Variants in ITGB2 observed in about 807,000 individuals in gnomAD.
The protein encoded by ITGB2 is integrin subunit beta 2.
Under a neutral mutation model 86.8 loss-of-function variants are expected in ITGB2, and 56 were observed. The observed-to-expected ratio is 0.65, with a 90% CI of 0.52 to 0.81. The LOEUF (loss-of-function observed/expected upper bound fraction) is 0.81, where lower values mean the gene tolerates loss of function less well. Ranked by LOEUF, ITGB2 falls within the 30% of genes least tolerant of loss-of-function variation. ITGB2 has a pLI of 0.00. For synonymous variants in ITGB2, 457 were observed against 450.4 expected (o/e 1.01, Z -0.19); for missense variants, 948 against 1,061.2 (o/e 0.89, Z 1.48).
chr21:44,916,587 G>A (rs78754053), intron 1 of ITGB2, among the ~76,000 whole-genome samples: 3 of 151,996 alleles, frequency 2.0e-5, no homozygotes, highest in African/African-American at 4.8e-5. Context: ...CTAAGGGGAG[G>A]CCGGGCATGG....
At chr21:44,887,017 G>A in intron 14 of ITGB2, 115 bp from the exon 15 acceptor site, 1 of 1,305,010 alleles carries the variant, frequency 7.7e-7, no homozygotes, top group Non-Finnish European at 1.1e-6. Context: ...AGGTTCCCAG[G>A]GCCCCGGCTC....
At chr21:44,900,216 C>T (rs898690910) in intron 7 of ITGB2, 104 bp downstream of exon 7, 1 of 1,468,668 alleles carries the variant, frequency 6.8e-7, no homozygotes, top group African/African-American at 1.4e-5. Flanking sequence ...GGAATCTGCT[C>T]CTTGGGTCAG....
At chr21:44,925,806 C>T (rs545536931), upstream of ITGB2, among the ~76,000 whole-genome samples, 245 of 152,262 alleles carry the variant, frequency 1.6e-3, 2 homozygotes, top group South Asian at 8.1e-3. Flanking sequence ...AGGCCGGGCG[C>T]GGGGGCTCAC....
intron 7 of ITGB2, 40 bp from the exon 8 acceptor site, chr21:44,899,202 G>A: frequency 6.7e-7 from 1 of 1,482,386 alleles, no homozygotes; most frequent in Non-Finnish European, 9.4e-7. Context: ...CCCGAGTCCA[G>A]GACAAGGCTT....
chr21:44,907,111 C>T lies in ITGB2; in HGVS notation c.148-16G>A, dbSNP rs2072703. 6.3e-7 allele frequency: 1 copy of T among 1,578,402 alleles called. No individual in the cohort carries two copies. ...CTGTGAAGTTCTGGGGAGGGGGAGT[C>T]AGGGGTCAGGAGGGGGCCACACTGC... is the stretch of plus-strand genomic sequence containing the variant. On this transcript the variant is annotated splice_polypyrimidine_tract_variant and intron_variant, in intron 3 of 15. Coordinates refer to ENST00000652462, the MANE Select transcript of ITGB2 (RefSeq NM_000211.5).
chr21:44,892,130 G>A (rs1434596676), intron 10 of ITGB2, 134 bp from the exon 11 acceptor site: 18 of 869,560 alleles, frequency 2.1e-5, no homozygotes, highest in Admixed American at 8.1e-5. Context: ...ACCAGGAGCA[G>A]GAAGAGCTGA....
chr21:44,895,705 G>T (rs1338426972), intron 8 of ITGB2, among the ~76,000 whole-genome samples: 1 of 151,694 alleles, frequency 6.6e-6, no homozygotes. Flanking sequence ...GCTGGGCGTG[G>T]TGGTGGGCAC....
At chr21:44,907,630 A>T (rs1449622536) in intron 3 of ITGB2, among the ~76,000 whole-genome samples, 1 of 152,186 alleles carries the variant, frequency 6.6e-6, no homozygotes, top group Admixed American at 6.5e-5. Flanking sequence ...GTCCCTGCAA[A>T]TCCCCTGGAT....
In ITGB2 at chr21:44,919,023, A is replaced by ATTCC. The variant is rs58978159; in HGVS notation, c.-4+1797_-4+1798insGGAA. On this transcript the variant is annotated intron_variant, in intron 1 of 15. Coordinates refer to ENST00000652462, the MANE Select transcript of ITGB2 (RefSeq NM_000211.5). Reference sequence around the variant, plus strand: ...TTCCCCTCTCCCAGCACTCGGAGGCACCTGCAGTTGCTCAGCTGTTCATTG... The same window carrying ATTCC: ...TTCCCCTCTCCCAGCACTCGGAGGCATTCCCCTGCAGTTGCTCAGCTGTTCATTG... Among the ~76,000 whole-genome samples the ATTCC allele has an allele frequency of 4.9e-3, 703 of 144,546 alleles. 45 individuals carry two copies. The highest frequency in any genetic ancestry group is 0.033 in the Middle Eastern group (9 of 274). The allele number at this position is 144,546 out of a possible 152,430, so 94.8% of individuals were successfully genotyped here.
At chr21:44,896,266 G>A (rs2083869467) in intron 8 of ITGB2, among the ~76,000 whole-genome samples, 1 of 152,234 alleles carries the variant, frequency 6.6e-6, no homozygotes. Flanking sequence ...CCACACAGAT[G>A]GTAGGCGGAA....
At chr21:44,911,272 G>A in intron 1 of ITGB2, 1 of 247,190 alleles carries the variant, frequency 4.0e-6, no homozygotes, top group South Asian at 4.7e-5. Flanking sequence ...ATATACACAT[G>A]CACACGTACA....
chr21:44,888,324 G>A (rs559466594), intron 14 of ITGB2, among the ~76,000 whole-genome samples: 1 of 149,684 alleles, frequency 6.7e-6, no homozygotes, highest in Non-Finnish European at 1.5e-5. Flanking sequence ...ACCTGACCGC[G>A]GGCCACCCCT....
intron 1 of ITGB2, among the ~76,000 whole-genome samples, chr21:44,916,716 A>G (rs1223903178): frequency 6.6e-6 from 1 of 151,858 alleles, no homozygotes; most frequent in Non-Finnish European, 1.5e-5. Flanking sequence ...AAAAATACAT[A>G]AATTAGCTGG....
At chr21:44,893,163 C>T (rs968463575) in intron 10 of ITGB2, 4 of 483,488 alleles carry the variant, frequency 8.3e-6, no homozygotes, top group East Asian at 4.0e-5. Context: ...CGTCTGGCCT[C>T]GGCAGAGAGG....
rs1390268627 is a variant in ITGB2, at chr21:44,888,849, T to G, written c.1924A>C (p.Asn642His). The G allele has an allele frequency of 1.2e-6, 2 of 1,609,542 alleles. No homozygotes were observed. Among genetic ancestry groups the G allele is most frequent in the African/African-American group, 2.7e-5 (2 of 74,938 alleles). ...AGGCCCGGACACGCCGCGCTGCAGT[T>G]CTTCCCAAAGGGGCCCTTTTCGAAC... ...LKFEKGPFGK[N>H]CSAACPGLQL... The change falls in exon 14 of 16, where the codon AAC becomes CAC. Residue 642 changes from asparagine to histidine, a missense_variant. By Grantham distance (68) the Asn-to-His change is moderately conservative. Transcript: ENST00000652462.
chr21:44,920,126 G>A (rs999006515), intron 1 of ITGB2, among the ~76,000 whole-genome samples: 5 of 152,124 alleles, frequency 3.3e-5, no homozygotes, highest in African/African-American at 1.2e-4. Context: ...GAGGGTCCCA[G>A]AGGAGCATGG....
chr21:44,905,791 C>T lies in ITGB2; in HGVS notation c.328+1124G>A, dbSNP rs570869286. Among the ~76,000 whole-genome samples, 487 of 152,294 alleles carry T rather than the reference C, an allele frequency of 3.2e-3. 4 individuals carry two copies. Among genetic ancestry groups the T allele is most frequent in the African/African-American group, 0.011 (466 of 41,566 alleles). On this transcript the variant is annotated intron_variant, in intron 4 of 15. Transcript: ENST00000652462. ...GACCTCCCCAATGGCTCGGCCCCAT[C>T]CCTCACTGTCTCCCAGCTGCCTCCC...
intron 1 of ITGB2, among the ~76,000 whole-genome samples, chr21:44,916,556 A>G (rs1032607357): frequency 2.0e-5 from 3 of 152,166 alleles, no homozygotes; most frequent in African/African-American, 7.2e-5. Context: ...ATCTAAGAGT[A>G]AGGAAACCTC....
At chr21:44,904,903 G>A (rs769507536) in intron 4 of ITGB2, among the ~76,000 whole-genome samples, 3 of 152,128 alleles carry the variant, frequency 2.0e-5, no homozygotes, top group Non-Finnish European at 4.4e-5. Context: ...CGGCACTCCT[G>A]GCCCTGGCCC....
Sources: allele counts gnomAD v4.1 joint callset (sites outside exome capture counted in the v4.1 genomes callset), GRCh38; gene constraint gnomAD v4.1.1; transcripts MANE v1.5; gene names NCBI Gene and HGNC (gene_info 2026-07-23, HGNC 2026-07-21).